MGAT5B: variants seen among roughly 807,000 people sequenced by gnomAD.
MGAT5B encodes the protein N-acetylglucosaminyl-transferase Vb.
In MGAT5B, 54 loss-of-function variants were observed where a neutral mutation model predicts 95.1. The ratio of observed to expected loss-of-function variants is 0.57; its 90% CI spans 0.46 to 0.71. The LOEUF (loss-of-function observed/expected upper bound fraction) is 0.71, where lower values mean the gene tolerates loss of function less well. Among genes scored for constraint, MGAT5B ranks in the 30% least tolerant of loss-of-function variants. The pLI is 0.00. For synonymous variants in MGAT5B, 464 were observed against 451.0 expected (o/e 1.03, Z -0.36); for missense variants, 935 against 1,088.6 (o/e 0.86, Z 1.99).
chr17:76,940,921 G>A lies in MGAT5B; in HGVS notation c.1848+73G>A. The A allele has an allele frequency of 3.0e-6, 4 of 1,335,336 alleles. No homozygotes were observed. The highest frequency in any genetic ancestry group is 4.3e-6 in the Non-Finnish European group (4 of 940,370). The allele number at this position is 1,335,336 out of a possible 1,614,324, so 82.7% of individuals were successfully genotyped here. A position where few individuals can be genotyped will look rare whatever the true frequency, so the allele number is the denominator to read the frequency against. ...TGGTCTTCACTCTGATTAGAAAACG[G>A]TGCCCCCCTCTGGGTGAGTTCAGAC... On this transcript the variant is annotated intron_variant, in intron 15 of 17. Transcript: ENST00000569840. This position sits in a 1 kb window ranked among gnomAD's most constrained non-coding sequence, Gnocchi z 4.3.
At chr17:76,899,704 A>C (rs9916886) in intron 3 of MGAT5B, among the ~76,000 whole-genome samples, 56,320 of 151,854 alleles carry the variant, frequency 0.37, 11,205 homozygotes, top group East Asian at 0.85. Flanking sequence ...AGGAGTGTCC[A>C]TCTTGCCCCT....
At position 76,930,508 on chromosome 17, in the gene MGAT5B, T is replaced by C. The variant is rs1391839955; in HGVS notation, c.1292-2137T>C. Among the ~76,000 whole-genome samples, 1 of 152,038 alleles carries C rather than the reference T, an allele frequency of 6.6e-6. No individual in the cohort carries two copies. Among genetic ancestry groups the C allele is most frequent in the Non-Finnish European group, 1.5e-5 (1 of 68,020 alleles). Reference sequence around the variant, plus strand: ...AGCCCCTTCCGTGCGGGAAGGTAGATTAAATATCCTTGGACTCAATAAACG... The same window carrying C: ...AGCCCCTTCCGTGCGGGAAGGTAGACTAAATATCCTTGGACTCAATAAACG... On this transcript the variant is annotated intron_variant, in intron 10 of 17. Transcript: ENST00000569840. This position sits in a 1 kb window ranked among gnomAD's most constrained non-coding sequence, Gnocchi z 4.1.
chr17:76,873,949 C>A (rs561289917), intron 2 of MGAT5B, among the ~76,000 whole-genome samples: 1 of 152,292 alleles, frequency 6.6e-6, no homozygotes, highest in South Asian at 2.1e-4. Context: ...TTGTAGACAT[C>A]CCAAGTTAAA....
chr17:76,917,071 C>T lies in MGAT5B; in HGVS notation c.1026-7895C>T, dbSNP rs80089714. ...GTCAGCCTAGTTGTGCTAAGTCCAA[C>T]GCCAGGTGGGAGGTTTCACTGTGAC... is the stretch of plus-strand genomic sequence containing the variant. On this transcript the variant is annotated intron_variant, in intron 8 of 17. Coordinates refer to ENST00000569840, the MANE Select transcript of MGAT5B (RefSeq NM_001199172.2). The surrounding 1 kb of genome is among the most constrained non-coding windows in gnomAD (Gnocchi z 6.1). Among the ~76,000 whole-genome samples, 323 of 152,310 alleles carry T rather than the reference C, an allele frequency of 2.1e-3. 1 individual carries two copies. The highest frequency in any genetic ancestry group is 7.1e-3 in the African/African-American group (294 of 41,550).
Position 76,905,692 on chromosome 17 carries a change from A to G in MGAT5B, c.856-326A>G, listed in dbSNP as rs1240843948. 1.7e-5 allele frequency among the ~76,000 whole-genome samples: 2 copies of G among 119,286 alleles called. No individual in the cohort carries two copies. The highest frequency in any genetic ancestry group is 3.1e-4 in the South Asian group (1 of 3,240). The allele number at this position is 119,286 out of a possible 152,430, so 78.3% of individuals were successfully genotyped here. A position where few individuals can be genotyped will look rare whatever the true frequency, so the allele number is the denominator to read the frequency against. On this transcript the variant is annotated intron_variant, in intron 7 of 17. Coordinates refer to ENST00000569840, the MANE Select transcript of MGAT5B (RefSeq NM_001199172.2). This position sits in a 1 kb window ranked among gnomAD's most constrained non-coding sequence, Gnocchi z 4.2. ...CTTCCTTCCCTCCCTCCCTCCCTCC[A>G]CCCAGTAGATATTTACGTGGCTCTC...
chr17:76,948,127 G>A (rs199827865), intron 17 of MGAT5B, 41 bp downstream of exon 17: 163 of 1,537,224 alleles, frequency 1.1e-4, no homozygotes, highest in Non-Finnish European at 1.3e-4. Flanking sequence ...CGCTATCATC[G>A]CTGGCCCAGC....
Position 76,870,393 on chromosome 17 carries a change from C to CA in MGAT5B, c.68+1297dup, listed in dbSNP as rs1203990017. Among the ~76,000 whole-genome samples the CA allele has an allele frequency of 1.3e-5, 2 of 152,162 alleles. No individual in the cohort carries two copies. Among genetic ancestry groups the CA allele is most frequent in the African/African-American group, 4.8e-5 (2 of 41,452 alleles). ...AGCCCATGGGAAGCAGGGCGGGAAGCAGGCGTCTCTGGAAAGGGCCTTGCT... is the reference window on the plus strand; with the variant it reads ...AGCCCATGGGAAGCAGGGCGGGAAGCAAGGCGTCTCTGGAAAGGGCCTTGCT... On this transcript the variant is annotated intron_variant, in intron 1 of 17. Transcript: ENST00000569840. This position sits in a 1 kb window ranked among gnomAD's most constrained non-coding sequence, Gnocchi z 5.0.
intron 3 of MGAT5B, among the ~76,000 whole-genome samples, chr17:76,893,956 T>C (rs1323104491): frequency 6.6e-6 from 1 of 152,202 alleles, no homozygotes; most frequent in African/African-American, 2.4e-5. Context: ...TGGCACCACC[T>C]TCCCGGGGTG....
rs751032562 is a variant in MGAT5B, at chr17:76,932,683, G to C, written c.1330G>C (p.Glu444Gln). The C allele has an allele frequency of 1.2e-6, 2 of 1,614,032 alleles. No individual in the cohort carries two copies. Among genetic ancestry groups the C allele is most frequent in the Non-Finnish European group, 1.7e-6 (2 of 1,179,958 alleles). ...PDNSFMGFVS[E>Q]ELNETEKRLI... ...CAACTCCTTCATGGGCTTCGTGTCCGAGGAGCTCAACGAGACGGAGAAGCG... is the reference window on the plus strand; with the variant it reads ...CAACTCCTTCATGGGCTTCGTGTCCCAGGAGCTCAACGAGACGGAGAAGCG... Residue 444 changes from glutamate to glutamine, a missense_variant, in exon 11 of 18, where the codon GAG (glutamate) becomes CAG (glutamine). This residue lies in a region of MGAT5B where 440 missense variants were observed against 523.6 expected (regional missense o/e 0.84). Transcript: ENST00000569840.
intron 10 of MGAT5B, among the ~76,000 whole-genome samples, chr17:76,929,023 GC>G (rs1193527101): frequency 1.3e-5 from 2 of 151,974 alleles, no homozygotes; most frequent in African/African-American, 4.8e-5. Context: ...ACGTCACTTA[GC>G]CTGGCTAATT....
Position 76,919,528 on chromosome 17 carries a change from C to G in MGAT5B, c.1026-5438C>G, listed in dbSNP as rs115515036. Reference sequence around the variant, plus strand: ...CATTGCAGCCTTAACATCCCAGGTTCAAACGATTCTCCCACCTCAGCCTCC... The same window carrying G: ...CATTGCAGCCTTAACATCCCAGGTTGAAACGATTCTCCCACCTCAGCCTCC... On this transcript the variant is annotated intron_variant, in intron 8 of 17. Transcript: ENST00000569840. 4.4e-3 allele frequency among the ~76,000 whole-genome samples: 665 copies of G among 152,322 alleles called. 6 individuals carry two copies. Among genetic ancestry groups the G allele is most frequent in the African/African-American group, 0.016 (652 of 41,572 alleles).
chr17:76,933,729 G>T (rs984337676), intron 12 of MGAT5B, among the ~76,000 whole-genome samples: 1 of 152,160 alleles, frequency 6.6e-6, no homozygotes. Flanking sequence ...GATTAGATCT[G>T]GCTGTCGCAG....
intron 9 of MGAT5B, among the ~76,000 whole-genome samples, chr17:76,926,095 C>T (rs994777633): frequency 3.3e-5 from 5 of 152,178 alleles, no homozygotes; most frequent in East Asian, 1.9e-4. Context: ...GGCTCAGAAG[C>T]GCTGCCCTCC....
Position 76,916,901 on chromosome 17 carries a change from G to A in MGAT5B, c.1026-8065G>A, listed in dbSNP as rs1452340318. On this transcript the variant is annotated intron_variant, in intron 8 of 17. Coordinates refer to ENST00000569840, the MANE Select transcript of MGAT5B (RefSeq NM_001199172.2). This position sits in a 1 kb window ranked among gnomAD's most constrained non-coding sequence, Gnocchi z 5.3. ...GGAGACTGGAAGGAGCCACCCACGG[G>A]AAGGGTCAAACTCAGGGGTTCCCGC... Among the ~76,000 whole-genome samples, 1 of 152,192 alleles carries A rather than the reference G, an allele frequency of 6.6e-6. No homozygotes were observed. The highest frequency in any genetic ancestry group is 1.9e-4 in the East Asian group (1 of 5,192).
At position 76,940,356 on chromosome 17, in the gene MGAT5B, G is replaced by T; in HGVS notation, c.1585-46G>T. 6.5e-7 allele frequency: 1 copy of T among 1,528,448 alleles called. No individual in the cohort carries two copies. The highest frequency in any genetic ancestry group is 8.8e-7 in the Non-Finnish European group (1 of 1,136,006). The allele number at this position is 1,528,448 out of a possible 1,614,324, so 94.7% of individuals were successfully genotyped here. A position where few individuals can be genotyped will look rare whatever the true frequency, so the allele number is the denominator to read the frequency against. ...CCGGCATCCTGGTGCTTACTGGGCTGTGGCGGCCCAGCCCTCCCTGATCAC... is the reference window on the plus strand; with the variant it reads ...CCGGCATCCTGGTGCTTACTGGGCTTTGGCGGCCCAGCCCTCCCTGATCAC... On this transcript the variant is annotated intron_variant, in intron 13 of 17. Coordinates refer to ENST00000569840, the MANE Select transcript of MGAT5B (RefSeq NM_001199172.2). The surrounding 1 kb of genome is among the most constrained non-coding windows in gnomAD (Gnocchi z 4.3).
Position 76,905,761 on chromosome 17 carries a change from A to G in MGAT5B, c.856-257A>G, listed in dbSNP as rs1968502099. Among the ~76,000 whole-genome samples, 1 of 151,906 alleles carries G rather than the reference A, an allele frequency of 6.6e-6. No individual in the cohort carries two copies. Among genetic ancestry groups the G allele is most frequent in the Non-Finnish European group, 1.5e-5 (1 of 67,974 alleles). On this transcript the variant is annotated intron_variant, in intron 7 of 17. Transcript: ENST00000569840. The surrounding 1 kb of genome is among the most constrained non-coding windows in gnomAD (Gnocchi z 4.2). Reference sequence around the variant, plus strand: ...TTTCAGAGCCCTTATCATTTCATGAAATTATCTCTTGTCTGTGTTCACTGT... The same window carrying G: ...TTTCAGAGCCCTTATCATTTCATGAGATTATCTCTTGTCTGTGTTCACTGT...
Position 76,889,341 on chromosome 17 carries a change from C to T in MGAT5B, c.329+7043C>T, listed in dbSNP as rs1024416311. Among the ~76,000 whole-genome samples, 2 of 152,110 alleles carry T rather than the reference C, an allele frequency of 1.3e-5. No homozygotes were observed. The highest frequency in any genetic ancestry group is 2.9e-5 in the Non-Finnish European group (2 of 67,992). On this transcript the variant is annotated intron_variant, in intron 3 of 17. Transcript: ENST00000569840. This position sits in a 1 kb window ranked among gnomAD's most constrained non-coding sequence, Gnocchi z 4.4. ...GGGAGGTCACTGTGATGGGTTTGGG[C>T]CCACCAAGGGGTGGCTCCAGCAGGC...
At chr17:76,894,487 T>C (rs1381341640) in intron 3 of MGAT5B, among the ~76,000 whole-genome samples, 1 of 152,236 alleles carries the variant, frequency 6.6e-6, no homozygotes, top group African/African-American at 2.4e-5. Context: ...CATGGTTTTC[T>C]CGTGTCCTCC....
intron 3 of MGAT5B, among the ~76,000 whole-genome samples, chr17:76,886,792 C>T (rs942828538): frequency 6.6e-6 from 1 of 152,096 alleles, no homozygotes; most frequent in African/African-American, 2.4e-5. Flanking sequence ...AGCTGTAATC[C>T]CAGCACTTTG....
Sources: allele counts gnomAD v4.1 joint callset (sites outside exome capture counted in the v4.1 genomes callset), GRCh38; gene constraint gnomAD v4.1.1; regional missense constraint gnomAD v4.1.1; non-coding constraint Gnocchi (gnomAD v3.1); transcripts MANE v1.5; gene names NCBI Gene and HGNC (gene_info 2026-07-23, HGNC 2026-07-21).